MAGI2: variants seen among roughly 807,000 people sequenced by gnomAD.
MAGI2 encodes membrane associated guanylate kinase, WW and PDZ domain containing 2.
Under a neutral mutation model 133.3 loss-of-function variants are expected in MAGI2, and 35 were observed. The ratio of observed to expected loss-of-function variants is 0.26; its 90% CI spans 0.20 to 0.35. The LOEUF is 0.35. MAGI2 is among the 10% of genes least tolerant of loss of function. The pLI, the probability that MAGI2 is intolerant of heterozygous loss-of-function variation, is 1.00. For missense variants in MAGI2, 1,636 were observed against 1,863.4 expected (o/e 0.88, Z 2.25); for synonymous variants, 729 against 710.6 (o/e 1.03, Z -0.41).
chr7:78,559,136 C>CAAAAAAAAAAAAAAAAAA (rs71085541), intron 3 of MAGI2, among the ~76,000 whole-genome samples: 6 of 54,744 alleles, frequency 1.1e-4, no homozygotes, highest in Non-Finnish European at 1.5e-4. Context: ...TCTGAATTTC[C>CAAAAAAAAAAAAAAAAAA]AAAAAAAAAA....
At chr7:79,225,989 A>G (rs1448326285) in intron 1 of MAGI2, among the ~76,000 whole-genome samples, 1 of 152,184 alleles carries the variant, frequency 6.6e-6, no homozygotes, top group Non-Finnish European at 1.5e-5. Context: ...GAGGTGTAAG[A>G]GTTGTATACC....
chr7:79,041,746 T>G (rs918031717), intron 1 of MAGI2, among the ~76,000 whole-genome samples: 37 of 152,180 alleles, frequency 2.4e-4, no homozygotes, highest in African/African-American at 8.7e-4. Context: ...TAAGATGACT[T>G]AATAGGGAAA....
intron 1 of MAGI2, among the ~76,000 whole-genome samples, chr7:79,099,624 T>C (rs1817798156): frequency 6.6e-6 from 1 of 152,112 alleles, no homozygotes; most frequent in East Asian, 1.9e-4. Flanking sequence ...CTCACCCTCC[T>C]CTCTCCCTTC....
intron 2 of MAGI2, among the ~76,000 whole-genome samples, chr7:78,851,142 T>C (rs748385787): frequency 1.1e-4 from 16 of 152,088 alleles, no homozygotes; most frequent in Non-Finnish European, 1.6e-4. Context: ...AAGAAAATAA[T>C]TGAGCAAAAC....
intron 9 of MAGI2, among the ~76,000 whole-genome samples, chr7:78,294,580 A>T (rs1385983094): frequency 6.6e-6 from 1 of 152,162 alleles, no homozygotes; most frequent in Non-Finnish European, 1.5e-5. Flanking sequence ...GGCAGATCTT[A>T]GGACACGTGT....
intron 10 of MAGI2, 164 bp downstream of exon 10, chr7:78,255,779 A>G: frequency 4.1e-6 from 3 of 739,896 alleles, no homozygotes; most frequent in African/African-American, 1.8e-5. Flanking sequence ...TGAATTCAAA[A>G]ACAAAGTTTC....
chr7:78,486,864 T>G, intron 6 of MAGI2: 1 of 502,714 alleles, frequency 2.0e-6, no homozygotes, highest in East Asian at 5.6e-5. Context: ...TGTACAGAGG[T>G]GGCACAATTG....
At chr7:78,117,886 T>A (rs1820035680) in intron 20 of MAGI2, among the ~76,000 whole-genome samples, 1 of 152,104 alleles carries the variant, frequency 6.6e-6, no homozygotes, top group Admixed American at 6.5e-5. Context: ...AATTTTAAAA[T>A]GACATTAAAA....
intron 2 of MAGI2, among the ~76,000 whole-genome samples, chr7:78,797,335 A>G (rs1354247074): frequency 1.3e-5 from 2 of 152,106 alleles, no homozygotes; most frequent in African/African-American, 4.8e-5. Context: ...TATCCTAGAC[A>G]ATGATCAACT....
intron 2 of MAGI2, among the ~76,000 whole-genome samples, chr7:78,955,723 C>CTCTTTCTTTCTTTCTTTCTT (rs1158477695): frequency 3.6e-5 from 3 of 83,434 alleles, no homozygotes; most frequent in Admixed American, 1.3e-4. Flanking sequence ...TTCTTTCTTT[C>CTCTTTCTTTCTTTCTTTCTT]TCTTTCTTTC....
intron 16 of MAGI2, among the ~76,000 whole-genome samples, chr7:78,137,057 T>G (rs975032644): frequency 4.6e-5 from 7 of 152,244 alleles, no homozygotes; most frequent in East Asian, 1.9e-4. Context: ...GGACAATCAA[T>G]GTTTTTTCAA....
intron 2 of MAGI2, among the ~76,000 whole-genome samples, chr7:78,722,824 T>G (rs965563854): frequency 1.3e-5 from 2 of 152,106 alleles, no homozygotes; most frequent in African/African-American, 2.4e-5. Context: ...TGGGGGAACT[T>G]AAATGTGGGT....
At chr7:79,300,027 G>A (rs1366673739) in intron 1 of MAGI2, among the ~76,000 whole-genome samples, 7 of 152,168 alleles carry the variant, frequency 4.6e-5, no homozygotes, top group Non-Finnish European at 8.8e-5. Context: ...AGAAGCATGA[G>A]CCAATTAAGC....
intron 1 of MAGI2, among the ~76,000 whole-genome samples, chr7:79,292,584 G>C (rs1836574469): frequency 1.3e-5 from 2 of 151,536 alleles, no homozygotes; most frequent in African/African-American, 4.9e-5. Context: ...CGTGAGCTGA[G>C]AGCATGCCAC....
At position 79,435,976 on chromosome 7, in the gene MAGI2, C is replaced by T. The variant is rs566844244; in HGVS notation, c.301+17044G>A. Among the ~76,000 whole-genome samples the T allele has an allele frequency of 3.3e-5, 5 of 152,134 alleles. No individual in the cohort carries two copies. The South Asian group carries it at 8.3e-4, about 25-fold the overall frequency. On this transcript the variant is annotated intron_variant, in intron 1 of 21. Transcript: ENST00000354212. ...CCGGAAATAAAGCTTCACACCTATA[C>T]CAACTGATCTTTAACAAGGTTGACA...
intron 3 of MAGI2, among the ~76,000 whole-genome samples, chr7:78,573,199 T>A (rs757774656): frequency 0.016 from 1,361 of 86,144 alleles, 23 homozygotes; most frequent in South Asian, 0.049. Context: ...TATATATATA[T>A]ATATAAATAT....
At chr7:78,964,826 G>A (rs1355249755) in intron 2 of MAGI2, among the ~76,000 whole-genome samples, 2 of 152,052 alleles carry the variant, frequency 1.3e-5, no homozygotes, top group East Asian at 3.9e-4. Flanking sequence ...CTATAACAAA[G>A]TGTCTTTATC....
At chr7:78,939,234 T>G (rs934323921) in intron 2 of MAGI2, among the ~76,000 whole-genome samples, 3 of 152,170 alleles carry the variant, frequency 2.0e-5, no homozygotes, top group African/African-American at 7.2e-5. Flanking sequence ...CCTCAAGTGA[T>G]CTGCCTGCCT....
intron 21 of MAGI2, among the ~76,000 whole-genome samples, chr7:78,074,066 A>G (rs1815011559): frequency 6.6e-6 from 1 of 152,072 alleles, no homozygotes; most frequent in African/African-American, 2.4e-5. Flanking sequence ...AGCCCTTATC[A>G]TTTTCCGACT....
Sources: allele counts gnomAD v4.1 joint callset (sites outside exome capture counted in the v4.1 genomes callset), GRCh38; gene constraint gnomAD v4.1.1; transcripts MANE v1.5; gene names NCBI Gene and HGNC (gene_info 2026-07-23, HGNC 2026-07-21).